The following PPHLN1 variants were observed in gnomAD, a reference collection of about 807,000 sequenced individuals.
PPHLN1 encodes periphilin-1.
In PPHLN1, 29 loss-of-function variants were observed where a neutral mutation model predicts 51.3. The ratio of observed to expected loss-of-function variants is 0.57; its 90% CI spans 0.42 to 0.77. The LOEUF is 0.77. Among genes scored for constraint, PPHLN1 ranks in the 30% least tolerant of loss-of-function variants. PPHLN1 has a pLI of 0.00. For missense variants in PPHLN1, 436 were observed against 438.4 expected, an observed-to-expected ratio of 0.99 and a Z score of 0.05; for synonymous variants, 147 against 147.8, an observed-to-expected ratio of 0.99 and a Z score of 0.04.
chr12:42,358,328 T>C (rs2074268590), intron 4 of PPHLN1, among the ~76,000 whole-genome samples: 1 of 152,172 alleles, frequency 6.6e-6, no homozygotes, highest in African/African-American at 2.4e-5. Flanking sequence ...AACATCTTGG[T>C]ATAAGTTCTT....
chr12:42,396,977 G>T (rs780147921), intron 8 of PPHLN1, among the ~76,000 whole-genome samples: 4 of 150,364 alleles, frequency 2.7e-5, no homozygotes, highest in Non-Finnish European at 4.4e-5. Context: ...GATTGAGGCT[G>T]CAGTGAGCTG....
intron 9 of PPHLN1, among the ~76,000 whole-genome samples, chr12:42,426,366 A>G (rs61926595): frequency 0.15 from 22,957 of 152,194 alleles, 1,797 homozygotes; most frequent in Admixed American, 0.2. Flanking sequence ...TAGTTCAGTC[A>G]GGGCTTCATT....
intron 2 of PPHLN1, among the ~76,000 whole-genome samples, chr12:42,349,451 G>A (rs560766999): frequency 6.6e-6 from 1 of 151,472 alleles, no homozygotes; most frequent in Non-Finnish European, 1.5e-5. Flanking sequence ...GGTGTTTCTC[G>A]GAGAGGGGGA....
intron 9 of PPHLN1, among the ~76,000 whole-genome samples, chr12:42,434,926 C>T (rs1459458945): frequency 6.6e-6 from 1 of 152,204 alleles, no homozygotes; most frequent in Admixed American, 6.5e-5. Flanking sequence ...ACCCTGACCT[C>T]AGGCAATCTG....
At chr12:42,352,168 C>T (rs182239689) in intron 3 of PPHLN1, 119 bp downstream of exon 3, 16 of 918,054 alleles carry the variant, frequency 1.7e-5, no homozygotes, top group African/African-American at 1.2e-4. Context: ...GCTTGATGCT[C>T]TCATGTGAAT....
chr12:42,357,641 A>G lies in PPHLN1; in HGVS notation c.299+2419A>G, dbSNP rs144105614. Among the ~76,000 whole-genome samples, 519 of 152,334 alleles carry G rather than the reference A, an allele frequency of 3.4e-3. 2 individuals are homozygous for G. The highest frequency in any genetic ancestry group is 0.011 in the African/African-American group (452 of 41,578). On this transcript the variant is annotated intron_variant, in intron 4 of 9. Transcript: ENST00000358314. ...AAAGGCAGAATTGTAAAACACTTTTAAAAACTAGATCAGCTAGTGGCTTAT... is the reference window on the plus strand; with the variant it reads ...AAAGGCAGAATTGTAAAACACTTTTGAAAACTAGATCAGCTAGTGGCTTAT...
At chr12:42,448,474 T>C (rs1411330699), downstream of PPHLN1, 3 of 152,202 alleles carry the variant, frequency 2.0e-5, no homozygotes, top group East Asian at 5.8e-4. Flanking sequence ...GTTTGTAAAT[T>C]ATCCGTTGTT....
intron 9 of PPHLN1, among the ~76,000 whole-genome samples, chr12:42,402,488 G>A (rs965000080): frequency 6.6e-6 from 1 of 152,020 alleles, no homozygotes; most frequent in African/African-American, 2.4e-5. Context: ...ATCACCATTT[G>A]TGCGACTATA....
chr12:42,411,923 A>AAAAAAAAAAAAG (rs1424836657), intron 9 of PPHLN1, among the ~76,000 whole-genome samples: 1 of 116,532 alleles, frequency 8.6e-6, no homozygotes, highest in Non-Finnish European at 1.8e-5. Context: ...AAAAAAAAAA[A>AAAAAAAAAAAAG]GGGCTGGGCG....
chr12:42,342,177 A>G (rs1046549025), intron 2 of PPHLN1, among the ~76,000 whole-genome samples: 29 of 152,206 alleles, frequency 1.9e-4, no homozygotes, highest in African/African-American at 7.0e-4. Context: ...TATAATTTCT[A>G]TGAGCTTAGT....
chr12:42,331,826 G>C (rs2069783851), intron 1 of PPHLN1: 1 of 152,224 alleles, frequency 6.6e-6, no homozygotes, highest in Non-Finnish European at 1.5e-5. Flanking sequence ...CTGATATGAG[G>C]AGATGTAGTG....
intron 9 of PPHLN1, among the ~76,000 whole-genome samples, chr12:42,423,546 A>G (rs2081180341): frequency 1.3e-5 from 2 of 152,220 alleles, no homozygotes; most frequent in South Asian, 4.1e-4. Context: ...GACTGATAAT[A>G]TTCTATTATC....
chr12:42,435,881 G>C (rs2082435905), intron 9 of PPHLN1, among the ~76,000 whole-genome samples: 1 of 152,048 alleles, frequency 6.6e-6, no homozygotes, highest in South Asian at 2.1e-4. Context: ...CTGCTAAATA[G>C]AATTGTCTGC....
chr12:42,340,603 T>A (rs1332241905), intron 2 of PPHLN1, among the ~76,000 whole-genome samples: 1 of 152,246 alleles, frequency 6.6e-6, no homozygotes, highest in Non-Finnish European at 1.5e-5. Flanking sequence ...TGTTTCATTT[T>A]ATGTAACATT....
chr12:42,345,693 AAATT>A, intron 2 of PPHLN1, among the ~76,000 whole-genome samples: 1 of 151,566 alleles, frequency 6.6e-6, no homozygotes, highest in Non-Finnish European at 1.5e-5. Flanking sequence ...TTGATTGAGT[AAATT>A]GAGATTTTAT....
rs149932945 is a variant in PPHLN1 at position 42,356,730 on chromosome 12, G to A, written c.299+1508G>A. On this transcript the variant is annotated intron_variant, in intron 4 of 9. Coordinates refer to ENST00000358314, the MANE Select transcript of PPHLN1 (RefSeq NM_201439.2). ...GAATGGAAAGAGAATTTCCTTGACC[G>A]GGTAATTGGGCATTTGCTGTACTGA... Among the ~76,000 whole-genome samples, 641 of 152,284 alleles carry A rather than the reference G, an allele frequency of 4.2e-3. 6 individuals are homozygous for A. The highest frequency in any genetic ancestry group is 6.3e-3 in the Non-Finnish European group (427 of 68,020).
intron 4 of PPHLN1, among the ~76,000 whole-genome samples, chr12:42,373,792 A>G (rs1334519427): frequency 6.6e-6 from 1 of 152,222 alleles, no homozygotes; most frequent in African/African-American, 2.4e-5. Context: ...AAGAAATTTA[A>G]TTTATAAAAG....
chr12:42,346,760 C>T (rs952048964), intron 2 of PPHLN1, among the ~76,000 whole-genome samples: 1 of 152,204 alleles, frequency 6.6e-6, no homozygotes, highest in African/African-American at 2.4e-5. Flanking sequence ...CATTTGTAAT[C>T]TCTTGTCTTT....
intron 8 of PPHLN1, among the ~76,000 whole-genome samples, chr12:42,395,526 A>G (rs1456492826): frequency 1.3e-5 from 2 of 152,050 alleles, no homozygotes; most frequent in Non-Finnish European, 2.9e-5. Context: ...ATATTTTGCT[A>G]ATTTGTTCTC....
Sources: allele counts gnomAD v4.1 joint callset (sites outside exome capture counted in the v4.1 genomes callset), GRCh38; gene constraint gnomAD v4.1.1; transcripts MANE v1.5; gene names NCBI Gene and HGNC (gene_info 2026-07-23, HGNC 2026-07-21).